The following GABRB1 variants were observed in gnomAD, a reference collection of about 807,000 sequenced individuals.
GABRB1 encodes the protein gamma-aminobutyric acid receptor subunit beta-1.
A neutral mutation model predicts 51.6 loss-of-function variants in GABRB1; 17 were observed. That is an observed-to-expected ratio of 0.33 (90% CI 0.23 to 0.49). GABRB1 has a LOEUF of 0.49. Ranked by LOEUF, GABRB1 falls within the 20% of genes least tolerant of loss-of-function variation. The probability of loss-of-function intolerance (pLI) is 0.99; values close to 1 mark genes in which losing one functional copy is unlikely to be tolerated. For missense variants in GABRB1, 410 were observed against 600.6 expected, an observed-to-expected ratio of 0.68 and a Z score of 3.32; for synonymous variants, 247 against 218.9, an observed-to-expected ratio of 1.13 and a Z score of -1.14.
chr4:47,335,852 AGTAG>A (rs1268330432), intron 5 of GABRB1, among the ~76,000 whole-genome samples: 1 of 152,202 alleles, frequency 6.6e-6, no homozygotes, highest in African/African-American at 2.4e-5. Flanking sequence ...GCAATCCAAG[AGTAG>A]GTCAAGGTGA....
intron 4 of GABRB1, among the ~76,000 whole-genome samples, chr4:47,169,121 G>A (rs1718333448): frequency 6.6e-6 from 1 of 151,978 alleles, no homozygotes; most frequent in Non-Finnish European, 1.5e-5. Flanking sequence ...TGAATTTGAC[G>A]AGACACAATT....
chr4:47,386,166 A>G (rs889389311), intron 5 of GABRB1, among the ~76,000 whole-genome samples: 19 of 152,264 alleles, frequency 1.2e-4, no homozygotes, highest in Admixed American at 1.0e-3. Flanking sequence ...TAATCTGGGT[A>G]TGGTCTTTTT....
At chr4:47,071,497 A>C (rs988415468) in intron 3 of GABRB1, among the ~76,000 whole-genome samples, 1 of 151,992 alleles carries the variant, frequency 6.6e-6, no homozygotes, top group Admixed American at 6.6e-5. Flanking sequence ...CATTCCCTTC[A>C]CAAGGTATAA....
chr4:47,241,950 A>C (rs976521351), intron 4 of GABRB1, among the ~76,000 whole-genome samples: 9 of 151,782 alleles, frequency 5.9e-5, no homozygotes, highest in Admixed American at 2.6e-4. Context: ...GGTTTGTTAC[A>C]TATGTATACA....
chr4:47,008,629 A>ATTTTTTTTTT (rs71193894), intron 1 of GABRB1, among the ~76,000 whole-genome samples: 55 of 117,486 alleles, frequency 4.7e-4, no homozygotes, highest in African/African-American at 1.4e-3. Flanking sequence ...CACCCAGCTA[A>ATTTTTTTTTT]TTTTTTTTTT....
chr4:47,125,814 C>T (rs972136573), intron 3 of GABRB1, among the ~76,000 whole-genome samples: 37 of 149,702 alleles, frequency 2.5e-4, no homozygotes, highest in African/African-American at 9.0e-4. Flanking sequence ...CTCGGCCTCC[C>T]AAAGTGCTGG....
At chr4:47,142,521 CAAAGA>C (rs2109696290) in intron 3 of GABRB1, among the ~76,000 whole-genome samples, 1 of 151,892 alleles carries the variant, frequency 6.6e-6, no homozygotes, top group Non-Finnish European at 1.5e-5. Context: ...GCCATTTAAG[CAAAGA>C]AGCGACATTA....
intron 3 of GABRB1, among the ~76,000 whole-genome samples, chr4:47,084,552 T>C (rs1727988042): frequency 6.6e-6 from 1 of 152,196 alleles, no homozygotes. Flanking sequence ...CATCAATAGT[T>C]CTTTCCTCTT....
chr4:47,078,799 A>T (rs1284187792), intron 3 of GABRB1, among the ~76,000 whole-genome samples: 1 of 152,130 alleles, frequency 6.6e-6, no homozygotes, highest in Non-Finnish European at 1.5e-5. Context: ...CTGGTTAAAG[A>T]TCTACTCCCT....
At chr4:47,076,967 C>T (rs1727583232) in intron 3 of GABRB1, among the ~76,000 whole-genome samples, 1 of 152,200 alleles carries the variant, frequency 6.6e-6, no homozygotes, top group Non-Finnish European at 1.5e-5. Flanking sequence ...GGGTTAACAA[C>T]CTCTCATGTC....
intron 3 of GABRB1, among the ~76,000 whole-genome samples, chr4:47,109,632 T>C (rs1298099875): frequency 6.6e-6 from 1 of 152,074 alleles, no homozygotes; most frequent in Admixed American, 6.6e-5. Flanking sequence ...AATAAGGTTT[T>C]GGACATTTTG....
intron 5 of GABRB1, among the ~76,000 whole-genome samples, chr4:47,364,773 G>A (rs977924468): frequency 4.6e-5 from 7 of 151,842 alleles, no homozygotes; most frequent in Non-Finnish European, 1.0e-4. Flanking sequence ...GAAAATTCAA[G>A]TTAAAAGCAA....
At chr4:47,249,133 A>G (rs2109860735) in intron 4 of GABRB1, among the ~76,000 whole-genome samples, 1 of 151,922 alleles carries the variant, frequency 6.6e-6, no homozygotes, top group South Asian at 2.1e-4. Flanking sequence ...AGTCTTTTTG[A>G]TGTAGGCATT....
At chr4:47,184,902 C>A (rs1719108978) in intron 4 of GABRB1, among the ~76,000 whole-genome samples, 1 of 151,760 alleles carries the variant, frequency 6.6e-6, no homozygotes, top group Admixed American at 6.6e-5. Context: ...AGAGTAGCTG[C>A]AAAACAGGTC....
At chr4:47,280,603 C>T (rs1723251053) in intron 4 of GABRB1, among the ~76,000 whole-genome samples, 1 of 151,338 alleles carries the variant, frequency 6.6e-6, no homozygotes, top group East Asian at 1.9e-4. Flanking sequence ...CTATTTTTGT[C>T]TGAGAAAGTT....
intron 4 of GABRB1, among the ~76,000 whole-genome samples, chr4:47,307,215 A>T (rs1724504224): frequency 6.6e-6 from 1 of 152,110 alleles, no homozygotes; most frequent in Non-Finnish European, 1.5e-5. Flanking sequence ...TCTTATTTTT[A>T]AAAAACTAGT....
intron 5 of GABRB1, among the ~76,000 whole-genome samples, chr4:47,327,142 A>T (rs746810943): frequency 1.3e-5 from 2 of 152,204 alleles, no homozygotes; most frequent in African/African-American, 4.8e-5. Flanking sequence ...TCATTTATAC[A>T]TTCATTTATA....
At chr4:47,220,685 A>G (rs1276373933) in intron 4 of GABRB1, among the ~76,000 whole-genome samples, 1 of 151,928 alleles carries the variant, frequency 6.6e-6, no homozygotes, top group Middle Eastern at 3.2e-3. Context: ...CTGATCTTTG[A>G]TTTCTGCACA....
At chr4:47,180,563 A>C (rs1718901516) in intron 4 of GABRB1, among the ~76,000 whole-genome samples, 1 of 152,032 alleles carries the variant, frequency 6.6e-6, no homozygotes, top group Non-Finnish European at 1.5e-5. Context: ...TTTTAAATTA[A>C]CTTTGGATCA....
Sources: gnomAD v4.1 joint callset for allele counts (sites outside exome capture counted in the v4.1 genomes callset) on GRCh38, gnomAD v4.1.1 for gene constraint, MANE v1.5 for transcripts, NCBI Gene and HGNC (gene_info 2026-07-23, HGNC 2026-07-21) for gene names.